The following CDK5RAP2 variants were observed in gnomAD, a reference collection of about 807,000 sequenced individuals.
The protein encoded by CDK5RAP2 is CDK5 regulatory subunit associated protein 2, also known as CDK5 regulatory subunit-associated protein 2.
In CDK5RAP2, 147 loss-of-function variants were observed where a neutral mutation model predicts 232.9. That is an observed-to-expected ratio of 0.63 (90% CI 0.55 to 0.72). CDK5RAP2 has a LOEUF of 0.72. CDK5RAP2 is among the 30% of genes least tolerant of loss of function. The pLI is 0.00. For missense variants in CDK5RAP2, 2,195 were observed against 2,231.5 expected (o/e 0.98, Z 0.33); for synonymous variants, 833 against 833.7 (o/e 1.00, Z 0.01).
chr9:120,533,602 T>TTTGAGA (rs2041252342), intron 7 of CDK5RAP2, among the ~76,000 whole-genome samples: 1 of 151,812 alleles, frequency 6.6e-6, no homozygotes, highest in Non-Finnish European at 1.5e-5. Flanking sequence ...AAGACCAGCC[T>TTTGAGA]GGCCAACATG....
chr9:120,400,669 C>A, intron 35 of CDK5RAP2, 73 bp downstream of exon 35: 3 of 1,590,364 alleles, frequency 1.9e-6, no homozygotes, highest in Non-Finnish European at 2.6e-6. Context: ...TGGGCCCCTG[C>A]TTGGCATGGA....
intron 34 of CDK5RAP2, 99 bp downstream of exon 34, chr9:120,402,707 G>T: frequency 2.2e-6 from 3 of 1,349,080 alleles, no homozygotes; most frequent in Non-Finnish European, 3.2e-6. Flanking sequence ...CCTCTTCTCA[G>T]GGTCCTAATG....
intron 25 of CDK5RAP2, among the ~76,000 whole-genome samples, chr9:120,426,927 G>A (rs968784935): frequency 9.2e-5 from 14 of 152,278 alleles, no homozygotes; most frequent in Admixed American, 4.6e-4. Flanking sequence ...AGCTCCAAAG[G>A]GAGGAGAGTA....
chr9:120,439,058 C>G (rs2035744865), intron 24 of CDK5RAP2, among the ~76,000 whole-genome samples: 1 of 152,206 alleles, frequency 6.6e-6, no homozygotes, highest in Non-Finnish European at 1.5e-5. Context: ...CAGGAGTACA[C>G]ACTGCAGTTC....
At chr9:120,423,488 A>T (rs552360655) in intron 25 of CDK5RAP2, among the ~76,000 whole-genome samples, 131 of 152,314 alleles carry the variant, frequency 8.6e-4, no homozygotes, top group Middle Eastern at 3.4e-3. Context: ...GAAATGATTT[A>T]AAAAAATGAC....
chr9:120,437,439 G>A lies in CDK5RAP2; in HGVS notation c.3811C>T (p.Arg1271Cys), dbSNP rs374626934. The A allele has an allele frequency of 3.3e-5, 54 of 1,613,882 alleles. No homozygotes were observed. The highest frequency in any genetic ancestry group is 2.3e-4 in the South Asian group (21 of 91,082). ...KDGHGICVISRQHMNTMIKAF... is the reference protein window; with the variant it reads ...KDGHGICVISCQHMNTMIKAF... Reference sequence around the variant, plus strand: ...TTAATCATGGTGTTCATGTGTTGACGGGAGATGACACAGATGCCATGGCCA... The same window carrying A: ...TTAATCATGGTGTTCATGTGTTGACAGGAGATGACACAGATGCCATGGCCA... Residue 1271 changes from arginine (R) to cysteine (C), a missense_variant, in exon 25 of 38, where the codon CGT becomes TGT. Coordinates refer to ENST00000349780, the MANE Select transcript of CDK5RAP2 (RefSeq NM_018249.6).
intron 27 of CDK5RAP2, among the ~76,000 whole-genome samples, chr9:120,418,340 T>A (rs1047142039): frequency 1.3e-5 from 2 of 151,858 alleles, no homozygotes; most frequent in Non-Finnish European, 2.9e-5. Context: ...GGGCGAAGGG[T>A]GGAAAAAGAG....
chr9:120,578,138 A>G (rs554361343), intron 1 of CDK5RAP2, among the ~76,000 whole-genome samples: 13 of 151,836 alleles, frequency 8.6e-5, no homozygotes, highest in Non-Finnish European at 1.5e-4. Flanking sequence ...ACGGTGGTGC[A>G]CTCCTGTAAT....
At chr9:120,464,801 A>G (rs2037284405) in intron 18 of CDK5RAP2, among the ~76,000 whole-genome samples, 1 of 152,220 alleles carries the variant, frequency 6.6e-6, no homozygotes, top group Non-Finnish European at 1.5e-5. Flanking sequence ...TACTGAGTGC[A>G]TACCATATGC....
intron 17 of CDK5RAP2, among the ~76,000 whole-genome samples, chr9:120,469,507 G>A (rs764394532): frequency 1.3e-5 from 2 of 152,140 alleles, no homozygotes; most frequent in African/African-American, 4.8e-5. Flanking sequence ...AATAAACTAT[G>A]CGGTCTCAAA....
intron 22 of CDK5RAP2, among the ~76,000 whole-genome samples, chr9:120,447,202 G>A (rs1049161581): frequency 6.6e-6 from 1 of 152,182 alleles, no homozygotes; most frequent in African/African-American, 2.4e-5. Context: ...CATGAGCCCT[G>A]AGAAAATGAT....
At chr9:120,394,753 G>T in intron 35 of CDK5RAP2, 115 bp from the exon 36 acceptor site, 1 of 894,280 alleles carries the variant, frequency 1.1e-6, no homozygotes, top group Non-Finnish European at 1.7e-6. Context: ...AAAAATATTT[G>T]AATGGAAACT....
At position 120,389,116 on chromosome 9, in the gene CDK5RAP2, AAT is replaced by A. The variant is rs2031670015; in HGVS notation, c.*118_*119del. 1.1e-6 allele frequency: 1 copy of A among 892,354 alleles called. No homozygotes were observed. Among genetic ancestry groups the A allele is most frequent in the Non-Finnish European group, 1.8e-6 (1 of 560,906 alleles). 55.3% of individuals were successfully genotyped at this position (892,354 alleles called of 1,614,324 possible). On this transcript the variant is annotated 3_prime_UTR_variant, in exon 38 of 38. Transcript: ENST00000349780. ...TCAGAGAGAAAACATGAAGGGAAAA[AAT>A]AGATTTCCTTTGGCCAGACAGCTCT... is the stretch of plus-strand genomic sequence containing the variant.
At chr9:120,576,437 T>C (rs2043034158) in intron 1 of CDK5RAP2, among the ~76,000 whole-genome samples, 1 of 152,166 alleles carries the variant, frequency 6.6e-6, no homozygotes, top group South Asian at 2.1e-4. Flanking sequence ...GCGGGGTGGC[T>C]CACTCCTGTA....
chr9:120,488,164 G>T (rs2038711355), intron 13 of CDK5RAP2, among the ~76,000 whole-genome samples: 1 of 152,086 alleles, frequency 6.6e-6, no homozygotes, highest in South Asian at 2.1e-4. Flanking sequence ...GTCCACTCTT[G>T]TCAAATATTA....
In CDK5RAP2 at chr9:120,431,920, A is replaced by G. The variant is rs1233820127; in HGVS notation, c.3955+5375T>C. On this transcript the variant is annotated intron_variant, in intron 25 of 37. Coordinates refer to ENST00000349780, the MANE Select transcript of CDK5RAP2 (RefSeq NM_018249.6). ...TATTTTGATCCCAGCCCTCTTGGGA[A>G]TCTAAGTTATAGACCCTCACCCCAG... Among the ~76,000 whole-genome samples, 3 of 152,218 alleles carry G rather than the reference A, an allele frequency of 2.0e-5. No homozygotes were observed. The South Asian group carries it at 6.2e-4, about 32-fold the overall frequency.
At chr9:120,524,135 A>T (rs545177953) in intron 11 of CDK5RAP2, among the ~76,000 whole-genome samples, 7 of 152,182 alleles carry the variant, frequency 4.6e-5, no homozygotes, top group Middle Eastern at 6.8e-3. Context: ...TCAGCAGTTT[A>T]AAAAAAAGGA....
rs1244585433 is a variant in CDK5RAP2 at position 120,407,223 on chromosome 9, C to A, written c.4752G>T (p.Gly1584=). 2 of 1,613,074 alleles carry A rather than the reference C, an allele frequency of 1.2e-6. No homozygotes were observed. Among genetic ancestry groups the A allele is most frequent in the African/African-American group, 2.7e-5 (2 of 75,046 alleles). Reference sequence around the variant, plus strand: ...TGTGCAGGTCCCTGAAAGGATCCTGCCCCTTCCAGCCTTCTCCCGACGCCT... The same window carrying A: ...TGTGCAGGTCCCTGAAAGGATCCTGACCCTTCCAGCCTTCTCCCGACGCCT... ...LREASGEGWK[G]QDPFRDLHSL... is the part of the protein sequence containing the mutation. The change falls in exon 32 of 38, where the codon GGG becomes GGT. Residue 1584 remains glycine, a synonymous_variant. Transcript: ENST00000349780.
intron 25 of CDK5RAP2, among the ~76,000 whole-genome samples, chr9:120,428,911 G>A (rs1340895759): frequency 6.6e-6 from 1 of 152,124 alleles, no homozygotes; most frequent in Admixed American, 6.5e-5. Context: ...TATCCACCAC[G>A]ATCAAGTGGG....
Sources: allele counts gnomAD v4.1 joint callset (sites outside exome capture counted in the v4.1 genomes callset), GRCh38; gene constraint gnomAD v4.1.1; transcripts MANE v1.5; gene names NCBI Gene and HGNC (gene_info 2026-07-23, HGNC 2026-07-21).